The following USP48 variants were observed in gnomAD, a reference collection of about 807,000 sequenced individuals.
USP48 encodes the protein ubiquitin specific peptidase 48.
In USP48, 43 loss-of-function variants were observed where a neutral mutation model predicts 150.7. The ratio of observed to expected loss-of-function variants is 0.29; its 90% CI spans 0.22 to 0.37. The LOEUF (loss-of-function observed/expected upper bound fraction) is 0.37, where lower values mean the gene tolerates loss of function less well. USP48 is among the 10% of genes least tolerant of loss of function. The probability of loss-of-function intolerance (pLI) is 1.00; values close to 1 mark genes in which losing one functional copy is unlikely to be tolerated. For synonymous variants in USP48, 396 were observed against 425.9 expected (o/e 0.93, Z 0.86); for missense variants, 813 against 1,249.6 (o/e 0.65, Z 5.27).
intron 23 of USP48, among the ~76,000 whole-genome samples, chr1:21,692,183 A>G (rs1359132506): frequency 6.6e-6 from 1 of 152,198 alleles, no homozygotes; most frequent in Admixed American, 6.5e-5. Flanking sequence ...CAGCGCCTGA[A>G]AAGCAGGCAG....
chr1:21,732,012 C>A, intron 9 of USP48, among the ~76,000 whole-genome samples: 1 of 152,132 alleles, frequency 6.6e-6, no homozygotes, highest in East Asian at 1.9e-4. Context: ...TGGGTTTCAG[C>A]GTTCCAGGTA....
At chr1:21,741,838 G>C (rs767490455) in intron 8 of USP48, among the ~76,000 whole-genome samples, 1 of 152,028 alleles carries the variant, frequency 6.6e-6, no homozygotes, top group Non-Finnish European at 1.5e-5. Flanking sequence ...ACCAGACATG[G>C]TACTATACAC....
intron 22 of USP48, among the ~76,000 whole-genome samples, chr1:21,700,580 C>T (rs1253284103): frequency 6.6e-6 from 1 of 152,192 alleles, no homozygotes; most frequent in Non-Finnish European, 1.5e-5. Context: ...TCAGGGAGAA[C>T]ACCATCCACA....
intron 5 of USP48, 128 bp from the exon 6 acceptor site, chr1:21,751,743 T>A: frequency 1.4e-6 from 1 of 714,590 alleles, no homozygotes; most frequent in Non-Finnish European, 2.3e-6. Context: ...ACAGAAATTA[T>A]GTATACTAAA....
At chr1:21,730,800 C>T (rs1186350036) in intron 9 of USP48, among the ~76,000 whole-genome samples, 5 of 148,126 alleles carry the variant, frequency 3.4e-5, no homozygotes, top group African/African-American at 5.0e-5. Context: ...CTTGCTCTGT[C>T]GGCAGGCTAG....
At chr1:21,686,415 T>C (rs1396006817) in intron 25 of USP48, 1 of 152,252 alleles carries the variant, frequency 6.6e-6, no homozygotes, top group Non-Finnish European at 1.5e-5. Flanking sequence ...TTTTATCAAA[T>C]GCTTTTTCTT....
At chr1:21,728,443 TGTTTAAGCTG>T in intron 11 of USP48, 117 bp downstream of exon 11, 1 of 1,478,002 alleles carries the variant, frequency 6.8e-7, no homozygotes, top group South Asian at 1.5e-5. Context: ...ACTTTTAGAG[TGTTTAAGCTG>T]GCTTTAGTGG....
intron 1 of USP48, chr1:21,781,784 CTAAT>C (rs1436581172): frequency 1.4e-4 from 22 of 152,380 alleles, no homozygotes; most frequent in African/African-American, 2.6e-4. Flanking sequence ...AGTCTGGAAA[CTAAT>C]TACGTTGAGA....
At chr1:21,751,836 G>C (rs2152581645) in intron 5 of USP48, among the ~76,000 whole-genome samples, 1 of 152,090 alleles carries the variant, frequency 6.6e-6, no homozygotes, top group African/African-American at 2.4e-5. Context: ...TGACCAACAC[G>C]GTGAAACCCC....
chr1:21,747,232 C>T lies in USP48; in HGVS notation c.909-83G>A, dbSNP rs912890867. ...AAGCTCTATTAGCTATTTTAATAAA[C>T]TCAACAGTAGCTAGCTTTCACTTCA... On this transcript the variant is annotated intron_variant, in intron 7 of 26. Coordinates refer to ENST00000308271, the MANE Select transcript of USP48 (RefSeq NM_032236.8). The T allele has an allele frequency of 1.5e-5, 13 of 876,920 alleles. No homozygotes were observed. In the Admixed American group the frequency reaches 1.7e-4, roughly 12 times the overall value. The allele number at this position is 876,920 out of a possible 1,614,324, so 54.3% of individuals were successfully genotyped here.
intron 3 of USP48, 76 bp from the exon 4 acceptor site, chr1:21,753,195 A>G: frequency 7.1e-7 from 1 of 1,411,580 alleles, no homozygotes; most frequent in Admixed American, 2.2e-5. Flanking sequence ...CTTCCTCTTC[A>G]CATGAGAACA....
rs770810159 is a variant in USP48 at position 21,679,457 on chromosome 1, C to G, written c.3086-18G>C. ...ACCAGTACCTGGGAAAAGAAACACA[C>G]GTGGAGGGATAGTTGTGAACTACAG... On this transcript the variant is annotated intron_variant, in intron 26 of 26. Transcript: ENST00000308271. 6.2e-7 allele frequency: 1 copy of G among 1,613,848 alleles called. No individual in the cohort carries two copies. The highest frequency in any genetic ancestry group is 1.1e-5 in the South Asian group (1 of 91,080).
At position 21,721,302 on chromosome 1, in the gene USP48, C is replaced by T. The variant is rs1376743455; in HGVS notation, c.1764-136G>A. On this transcript the variant is annotated intron_variant, in intron 13 of 26. Transcript: ENST00000308271. Reference sequence around the variant, plus strand: ...ACTGTACATGTAATTGATTTTAACCCACTTCCTAATTTCGGTCATTTTCTC... The same window carrying T: ...ACTGTACATGTAATTGATTTTAACCTACTTCCTAATTTCGGTCATTTTCTC... The T allele has an allele frequency of 1.0e-5, 13 of 1,262,748 alleles. No homozygotes were observed. The East Asian group carries it at 3.3e-4, about 32-fold the overall frequency. The allele number at this position is 1,262,748 out of a possible 1,614,324, so 78.2% of individuals were successfully genotyped here.
chr1:21,730,821 C>T (rs375107851), intron 9 of USP48, among the ~76,000 whole-genome samples: 120 of 149,284 alleles, frequency 8.0e-4, no homozygotes, highest in Non-Finnish European at 1.2e-3. Context: ...AGTGCAGTGG[C>T]GCGATCTTGG....
intron 15 of USP48, among the ~76,000 whole-genome samples, chr1:21,712,628 CTT>C (rs11333202): frequency 8.5e-4 from 114 of 134,456 alleles, no homozygotes; most frequent in Admixed American, 1.3e-3. Flanking sequence ...GAAAACTATC[CTT>C]TTTTTTTTTT....
At chr1:21,702,470 A>T (rs1019066700) in intron 21 of USP48, among the ~76,000 whole-genome samples, 5 of 151,682 alleles carry the variant, frequency 3.3e-5, no homozygotes, top group African/African-American at 7.3e-5. Flanking sequence ...ATATCCAATC[A>T]ATTTCACCTA....
intron 8 of USP48, among the ~76,000 whole-genome samples, chr1:21,745,434 A>G (rs2152571117): frequency 6.6e-6 from 1 of 152,176 alleles, no homozygotes; most frequent in Non-Finnish European, 1.5e-5. Context: ...AAAATAACTA[A>G]AAATTAGCTG....
chr1:21,728,254 C>T, intron 11 of USP48: 1 of 1,058,932 alleles, frequency 9.4e-7, no homozygotes, highest in Non-Finnish European at 1.1e-6. Flanking sequence ...CCATAGTAAT[C>T]CAATCGGATT....
intron 14 of USP48, 54 bp from the exon 15 acceptor site, chr1:21,715,511 T>C (rs1413888266): frequency 8.2e-7 from 1 of 1,226,676 alleles, no homozygotes; most frequent in East Asian, 2.4e-5. Flanking sequence ...TACTTAAAGT[T>C]GAAAGTAGCA....
Sources: gnomAD v4.1 joint callset for allele counts (sites outside exome capture counted in the v4.1 genomes callset) on GRCh38, gnomAD v4.1.1 for gene constraint, MANE v1.5 for transcripts, NCBI Gene and HGNC (gene_info 2026-07-23, HGNC 2026-07-21) for gene names.